The following TMEM135 variants were observed in gnomAD, a reference collection of about 807,000 sequenced individuals.
The protein encoded by TMEM135 is peroxisomal membrane protein 52.
A neutral mutation model predicts 60.3 loss-of-function variants in TMEM135; 30 were observed. That is an observed-to-expected ratio of 0.50 (90% CI 0.37 to 0.68). The LOEUF is 0.68. Among genes scored for constraint, TMEM135 ranks in the 30% least tolerant of loss-of-function variants. The probability of loss-of-function intolerance (pLI) is 0.00; values close to 1 mark genes in which losing one functional copy is unlikely to be tolerated. For synonymous variants in TMEM135, 190 were observed against 186.7 expected (o/e 1.02, Z -0.14); for missense variants, 468 against 548.8 (o/e 0.85, Z 1.47).
chr11:87,118,747 T>C (rs971472039), intron 4 of TMEM135, among the ~76,000 whole-genome samples: 9 of 152,210 alleles, frequency 5.9e-5, no homozygotes, highest in African/African-American at 2.2e-4. Context: ...CAGCCCTTCC[T>C]GTAGCTTCTA....
chr11:87,086,992 G>A (rs543597453), intron 3 of TMEM135, among the ~76,000 whole-genome samples: 1 of 152,118 alleles, frequency 6.6e-6, no homozygotes, highest in East Asian at 1.9e-4. Flanking sequence ...GCTGATGGGG[G>A]TGCTGTTTTG....
At chr11:87,126,647 G>A (rs1277878542) in intron 4 of TMEM135, among the ~76,000 whole-genome samples, 1 of 149,838 alleles carries the variant, frequency 6.7e-6, no homozygotes. Flanking sequence ...AGGACTCATT[G>A]TATGGTTAGA....
Position 87,298,786 on chromosome 11 carries a change from CA to C in TMEM135, c.551+2981del, listed in dbSNP as rs59740138. ...TGGGTGACAGAGTGAGACTCTGTCT[CA>C]AAAAAAAAAAAAAAAAACAGCCGGG... On this transcript the variant is annotated intron_variant, in intron 7 of 14. Transcript: ENST00000305494. Among the ~76,000 whole-genome samples, 155 of 57,684 alleles carry C rather than the reference CA, an allele frequency of 2.7e-3. 1 individual carries two copies. The South Asian group carries it at 0.032, about 12-fold the overall frequency. The allele number at this position is 57,684 out of a possible 152,430, so 37.8% of individuals were successfully genotyped here.
intron 1 of TMEM135, among the ~76,000 whole-genome samples, chr11:87,056,770 T>A (rs1949898551): frequency 6.6e-6 from 1 of 152,242 alleles, no homozygotes; most frequent in African/African-American, 2.4e-5. Flanking sequence ...TGAGTTCTGT[T>A]TAAAGGATTC....
chr11:87,146,160 G>A (rs1181464267), intron 4 of TMEM135, among the ~76,000 whole-genome samples: 4 of 152,144 alleles, frequency 2.6e-5, no homozygotes, highest in African/African-American at 4.8e-5. Context: ...ATCCAGTTTT[G>A]ACAGCACTAT....
chr11:87,232,875 G>A (rs1940918283), intron 5 of TMEM135, among the ~76,000 whole-genome samples: 3 of 152,208 alleles, frequency 2.0e-5, no homozygotes, highest in Admixed American at 2.0e-4. Flanking sequence ...CAGTTACTGG[G>A]GGCAGTAGCT....
intron 5 of TMEM135, among the ~76,000 whole-genome samples, chr11:87,223,926 C>T (rs1172991354): frequency 6.6e-6 from 1 of 152,066 alleles, no homozygotes; most frequent in African/African-American, 2.4e-5. Flanking sequence ...GAAATGATAA[C>T]GGGAACTGAG....
At chr11:87,142,058 C>T (rs1397088175) in intron 4 of TMEM135, among the ~76,000 whole-genome samples, 1 of 152,144 alleles carries the variant, frequency 6.6e-6, no homozygotes, top group Non-Finnish European at 1.5e-5. Flanking sequence ...TCCCCAAACC[C>T]CCTCAGGCTT....
chr11:87,114,086 G>T (rs1420859121), intron 4 of TMEM135, among the ~76,000 whole-genome samples: 1 of 151,950 alleles, frequency 6.6e-6, no homozygotes, highest in African/African-American at 2.4e-5. Context: ...TCAAGTGAAG[G>T]CAAAATATAG....
intron 4 of TMEM135, among the ~76,000 whole-genome samples, chr11:87,146,972 C>T (rs1938432996): frequency 6.6e-6 from 1 of 151,750 alleles, no homozygotes. Flanking sequence ...TTAAATTGAC[C>T]CACTGAAATC....
chr11:87,241,908 G>C (rs1020476797), intron 6 of TMEM135, among the ~76,000 whole-genome samples: 1 of 151,902 alleles, frequency 6.6e-6, no homozygotes, highest in Non-Finnish European at 1.5e-5. Flanking sequence ...ACAATGTGCA[G>C]GTTAGTTACA....
chr11:87,191,425 T>C (rs1939796508), intron 5 of TMEM135, among the ~76,000 whole-genome samples: 1 of 152,084 alleles, frequency 6.6e-6, no homozygotes, highest in African/African-American at 2.4e-5. Context: ...GTATTTTTAG[T>C]AGAGACAGAG....
chr11:87,178,147 T>C (rs975807821), intron 5 of TMEM135, among the ~76,000 whole-genome samples: 6 of 152,164 alleles, frequency 3.9e-5, no homozygotes, highest in African/African-American at 1.4e-4. Context: ...CTCCTGTCCT[T>C]GGAGGTGCTG....
intron 5 of TMEM135, among the ~76,000 whole-genome samples, chr11:87,192,059 G>A (rs1939819845): frequency 1.5e-5 from 2 of 134,212 alleles, no homozygotes; most frequent in Non-Finnish European, 3.0e-5. Context: ...TGGGCTTACT[G>A]CAACCTCCAC....
At chr11:87,158,464 ATT>A (rs60730766) in intron 5 of TMEM135, among the ~76,000 whole-genome samples, 2 of 140,562 alleles carry the variant, frequency 1.4e-5, no homozygotes. Context: ...CCTTGGTATA[ATT>A]TTTTTTTTTT....
intron 5 of TMEM135, among the ~76,000 whole-genome samples, chr11:87,211,476 A>G (rs1335651066): frequency 6.6e-6 from 1 of 152,194 alleles, no homozygotes; most frequent in Non-Finnish European, 1.5e-5. Flanking sequence ...AGGTAAGGAG[A>G]TACTGTAGAA....
intron 4 of TMEM135, among the ~76,000 whole-genome samples, chr11:87,143,197 C>A (rs1007092433): frequency 6.6e-6 from 1 of 151,952 alleles, no homozygotes; most frequent in Non-Finnish European, 1.5e-5. Context: ...TGTTGAAATT[C>A]CTTATTTATC....
intron 1 of TMEM135, among the ~76,000 whole-genome samples, chr11:87,066,978 C>T (rs1396543797): frequency 6.6e-6 from 1 of 151,248 alleles, no homozygotes; most frequent in Non-Finnish European, 1.5e-5. Context: ...GACAAGGTTT[C>T]ACCATGTTGG....
chr11:87,054,629 A>G (rs542921865), intron 1 of TMEM135, among the ~76,000 whole-genome samples: 126 of 152,222 alleles, frequency 8.3e-4, no homozygotes, highest in Non-Finnish European at 9.4e-4. Flanking sequence ...TAGATTTGTC[A>G]GGTTGCTTTG....
Sources: gnomAD v4.1 joint callset for allele counts (sites outside exome capture counted in the v4.1 genomes callset) on GRCh38, gnomAD v4.1.1 for gene constraint, MANE v1.5 for transcripts, NCBI Gene and HGNC (gene_info 2026-07-23, HGNC 2026-07-21) for gene names.